The following LOXL2 variants were observed in gnomAD, a reference collection of about 807,000 sequenced individuals.
LOXL2 encodes the protein lysyl oxidase like 2, also known as lysyl oxidase homolog 2.
A neutral mutation model predicts 93.0 loss-of-function variants in LOXL2; 70 were observed. That is an observed-to-expected ratio of 0.75 (90% CI 0.62 to 0.92). The LOEUF (loss-of-function observed/expected upper bound fraction) is 0.92. Ranked by LOEUF, LOXL2 falls within the 40% of genes least tolerant of loss-of-function variation. The probability of loss-of-function intolerance (pLI) is 0.00; values close to 1 mark genes in which losing one functional copy is unlikely to be tolerated. For synonymous variants in LOXL2, 438 were observed against 413.2 expected, an observed-to-expected ratio of 1.06 and a Z score of -0.73; for missense variants, 973 against 1,054.9, an observed-to-expected ratio of 0.92 and a Z score of 1.08.
chr8:23,314,357 G>A (rs1221869282), intron 9 of LOXL2, among the ~76,000 whole-genome samples: 11 of 143,172 alleles, frequency 7.7e-5, no homozygotes, highest in South Asian at 2.6e-4. Context: ...TGTTTATTGC[G>A]GTACTATTCA....
intron 3 of LOXL2, among the ~76,000 whole-genome samples, chr8:23,356,033 G>T (rs1470063108): frequency 6.6e-6 from 1 of 152,060 alleles, no homozygotes; most frequent in African/African-American, 2.4e-5. Flanking sequence ...TACAGCTTGG[G>T]CCCATTATTT....
At chr8:23,376,683 C>G (rs11993009) in intron 1 of LOXL2, among the ~76,000 whole-genome samples, 3 of 151,938 alleles carry the variant, frequency 2.0e-5, no homozygotes, top group Non-Finnish European at 4.4e-5. Flanking sequence ...TGTATGTGTC[C>G]AGGAATTTAT....
chr8:23,360,756 A>C (rs1245260123), intron 2 of LOXL2, among the ~76,000 whole-genome samples: 2 of 152,176 alleles, frequency 1.3e-5, no homozygotes, highest in Non-Finnish European at 2.9e-5. Flanking sequence ...GATGATAATG[A>C]TGACGATGAT....
In LOXL2 at chr8:23,346,158, A is replaced by AATAAAAAAAT. The variant is rs1554479829; in HGVS notation, c.532-4956_532-4955insATTTTTTTAT. ...AAAATAAAATAAATAAAATAAAATA[A>AATAAAAAAAT]AAAATAAAATAAAATAAATAAAATA... On this transcript the variant is annotated intron_variant, in intron 3 of 13. Transcript: ENST00000389131. 6.6e-3 allele frequency among the ~76,000 whole-genome samples: 914 copies of AATAAAAAAAT among 138,066 alleles called. 17 individuals carry two copies. The highest frequency in any genetic ancestry group is 0.023 in the African/African-American group (853 of 36,632). The allele number at this position is 138,066 out of a possible 152,430, so 90.6% of individuals were successfully genotyped here.
chr8:23,375,530 C>T (rs1354773514), intron 1 of LOXL2, among the ~76,000 whole-genome samples: 2 of 152,104 alleles, frequency 1.3e-5, no homozygotes, highest in Non-Finnish European at 2.9e-5. Flanking sequence ...TATAAATTAC[C>T]TTGGGCAGTA....
chr8:23,335,553 T>C (rs1424481147), intron 4 of LOXL2, among the ~76,000 whole-genome samples: 1 of 151,986 alleles, frequency 6.6e-6, no homozygotes, highest in Non-Finnish European at 1.5e-5. Flanking sequence ...AAGAGAAGCC[T>C]TTAAATTGGG....
intron 1 of LOXL2, chr8:23,386,026 T>C (rs533620788): frequency 5.2e-6 from 4 of 765,286 alleles, no homozygotes; most frequent in Non-Finnish European, 7.2e-6. Context: ...GAGCAAGGTA[T>C]TATCAGCATC....
chr8:23,321,862 C>A (rs776283091), intron 7 of LOXL2: 2 of 423,868 alleles, frequency 4.7e-6, no homozygotes, highest in South Asian at 3.6e-5. Context: ...GGTGGTGGGG[C>A]AGAGGTGAGG....
chr8:23,368,489 A>C, intron 1 of LOXL2, 55 bp from the exon 2 acceptor site: 1 of 700,448 alleles, frequency 1.4e-6, no homozygotes, highest in South Asian at 1.7e-5. Context: ...GGAGACCTAC[A>C]TAGAGAACCA....
At chr8:23,369,313 C>T (rs1246834252) in intron 1 of LOXL2, among the ~76,000 whole-genome samples, 1 of 152,058 alleles carries the variant, frequency 6.6e-6, no homozygotes, top group Non-Finnish European at 1.5e-5. Flanking sequence ...AGCAAGAGAC[C>T]TCGTGTATCT....
chr8:23,346,101 TA>T (rs1167677725), intron 3 of LOXL2, among the ~76,000 whole-genome samples: 1 of 66,892 alleles, frequency 1.5e-5, no homozygotes, highest in Non-Finnish European at 2.9e-5. Flanking sequence ...TAAAATAAAA[TA>T]AAATAAAATA....
intron 1 of LOXL2, among the ~76,000 whole-genome samples, chr8:23,380,068 G>T (rs371117401): frequency 5.3e-4 from 80 of 152,288 alleles, no homozygotes; most frequent in African/African-American, 1.9e-3. Context: ...TTCCTATTTG[G>T]CCATCTTGGA....
At chr8:23,335,648 G>A (rs370405381) in intron 4 of LOXL2, among the ~76,000 whole-genome samples, 93 of 152,212 alleles carry the variant, frequency 6.1e-4, no homozygotes, top group Non-Finnish European at 1.0e-3. Flanking sequence ...TTCAGGGCCC[G>A]TGTGCTTGTC....
intron 1 of LOXL2, among the ~76,000 whole-genome samples, chr8:23,394,347 C>T (rs3115813): frequency 7.0e-6 from 1 of 143,858 alleles, no homozygotes; most frequent in Non-Finnish European, 1.5e-5. Context: ...GAGCCGAGAT[C>T]GTGCCACTGC....
Position 23,333,433 on chromosome 8 carries a change from G to A in LOXL2, c.934C>T (p.Pro312Ser), listed in dbSNP as rs768376724. ...VPGQVFSPDG[P>S]SRFRKAYKPE... The stretch of plus-strand genomic sequence containing the variant: ...TTGTACGCTTTCCGGAATCTTGAGG[G>A]TCCGTCAGGGCTGAAGACCTGCCCA... The change falls in exon 5 of 14, where the codon CCC (proline) becomes TCC (serine). Residue 312 changes from proline to serine, a missense_variant. Coordinates refer to ENST00000389131, the MANE Select transcript of LOXL2 (RefSeq NM_002318.3). 3.1e-6 allele frequency: 5 copies of A among 1,613,884 alleles called. No homozygotes were observed. Among genetic ancestry groups the A allele is most frequent in the Non-Finnish European group, 4.2e-6 (5 of 1,180,036 alleles).
rs1585340139 is a variant in LOXL2, at chr8:23,301,974, G to A, written c.2133+53C>T. 4 of 1,606,902 alleles carry A rather than the reference G, an allele frequency of 2.5e-6. No homozygotes were observed. In the South Asian group the frequency reaches 3.3e-5, roughly 13 times the overall value. ...CACCAATGGGAAGGAGCCTGTGGAG[G>A]TGGCCTCCCCTCCTCCCCCTGCAGG... On this transcript the variant is annotated intron_variant, in intron 12 of 13. Coordinates refer to ENST00000389131, the MANE Select transcript of LOXL2 (RefSeq NM_002318.3).
intron 5 of LOXL2, among the ~76,000 whole-genome samples, chr8:23,332,386 TCATACACACAC>T (rs1563192815): frequency 1.3e-5 from 1 of 79,910 alleles, no homozygotes; most frequent in East Asian, 4.2e-4. Flanking sequence ...ACATACACAC[TCATACACACAC>T]ACTCATACAC....
Position 23,341,003 on chromosome 8 carries a change from G to A in LOXL2, c.732C>T (p.Thr244=), listed in dbSNP as rs2117181085. ...FGFPGERTYN[T]KVYKMFASRR... ...TGCAGTCCTCTTACTTGTACACTTT[G>A]GTATTGTATGTCCTCTCCCCAGGGA... Residue 244 remains threonine, a synonymous_variant, in exon 4 of 14, where the codon ACC becomes ACT. Coordinates refer to ENST00000389131, the MANE Select transcript of LOXL2 (RefSeq NM_002318.3). 6.2e-7 allele frequency: 1 copy of A among 1,613,908 alleles called. No individual in the cohort carries two copies. Among genetic ancestry groups the A allele is most frequent in the Non-Finnish European group, 8.5e-7 (1 of 1,179,816 alleles).
intron 1 of LOXL2, among the ~76,000 whole-genome samples, chr8:23,394,396 GAAAAA>G (rs1159727066): frequency 4.7e-5 from 3 of 64,354 alleles, no homozygotes; most frequent in South Asian, 5.6e-4. Flanking sequence ...CTGTCTCAGA[GAAAAA>G]AAAAAAAAAA....
Sources: gnomAD v4.1 joint callset for allele counts (sites outside exome capture counted in the v4.1 genomes callset) on GRCh38, gnomAD v4.1.1 for gene constraint, MANE v1.5 for transcripts, NCBI Gene and HGNC (gene_info 2026-07-23, HGNC 2026-07-21) for gene names.